ORC4: variants seen among roughly 807,000 people sequenced by gnomAD.
ORC4 encodes the protein origin recognition complex subunit 4, also known as origin recognition complex, subunit 4 homolog.
Under a neutral mutation model 63.9 loss-of-function variants are expected in ORC4, and 55 were observed. That is an observed-to-expected ratio of 0.86 (90% CI 0.69 to 1.08). The LOEUF is 1.08. ORC4 is among the 50% of genes least tolerant of loss of function. The probability of loss-of-function intolerance (pLI) is 0.00; values close to 1 mark genes in which losing one functional copy is unlikely to be tolerated. For missense variants in ORC4, 511 were observed against 504.4 expected, an observed-to-expected ratio of 1.01 and a Z score of -0.13; for synonymous variants, 150 against 168.5, an observed-to-expected ratio of 0.89 and a Z score of 0.85.
intron 1 of ORC4, among the ~76,000 whole-genome samples, chr2:147,993,591 TC>T (rs889791708): frequency 6.6e-6 from 1 of 152,024 alleles, no homozygotes; most frequent in Admixed American, 6.6e-5. Flanking sequence ...ATGTTGTCCA[TC>T]CCCCCATCAG....
chr2:147,975,340 A>G (rs1243382952), intron 2 of ORC4, among the ~76,000 whole-genome samples: 1 of 152,088 alleles, frequency 6.6e-6, no homozygotes, highest in Admixed American at 6.5e-5. Context: ...TCAACTTAAT[A>G]AAGGGCATCT....
chr2:147,970,378 CCAACA>C (rs1458278741), intron 4 of ORC4, among the ~76,000 whole-genome samples: 1 of 151,994 alleles, frequency 6.6e-6, no homozygotes, highest in Non-Finnish European at 1.5e-5. Flanking sequence ...ATGCAGACAG[CCAACA>C]CAATACTGCA....
chr2:147,949,515 C>A (rs1284317423), intron 8 of ORC4, among the ~76,000 whole-genome samples: 1 of 151,948 alleles, frequency 6.6e-6, no homozygotes, highest in Non-Finnish European at 1.5e-5. Flanking sequence ...TAAACAAAAA[C>A]CCTGTTAATT....
chr2:147,935,771 A>T (rs1688017579), intron 13 of ORC4, 73 bp from the exon 14 acceptor site: 1 of 1,321,016 alleles, frequency 7.6e-7, no homozygotes, highest in African/African-American at 1.4e-5. Flanking sequence ...CTCCCAGAGA[A>T]CAGTTAGCAT....
chr2:147,938,288 C>G lies in ORC4; in HGVS notation c.1054+10G>C, dbSNP rs1688169130. Reference sequence around the variant, plus strand: ...AGAGTCAGAAAAAAGCTACTTAAGTCTCATCTCACCATTATAGACCATTTG... The same window carrying G: ...AGAGTCAGAAAAAAGCTACTTAAGTGTCATCTCACCATTATAGACCATTTG... On this transcript the variant is annotated intron_variant, in intron 12 of 13. Coordinates refer to ENST00000392857, the MANE Select transcript of ORC4 (RefSeq NM_181741.4). 1 of 1,593,958 alleles carries G rather than the reference C, an allele frequency of 6.3e-7. No homozygotes were observed.
At chr2:147,945,343 C>A (rs200448318) in intron 9 of ORC4, among the ~76,000 whole-genome samples, 1 of 152,032 alleles carries the variant, frequency 6.6e-6, no homozygotes, top group Admixed American at 6.6e-5. Flanking sequence ...TAAAAGCTAT[C>A]GCCTTCTTGC....
chr2:147,938,108 A>T, intron 13 of ORC4, 38 bp downstream of exon 13: 1 of 1,349,008 alleles, frequency 7.4e-7, no homozygotes, highest in Non-Finnish European at 1.1e-6. Context: ...TAAAAAATAT[A>T]CTTGTCTGTA....
intron 6 of ORC4, among the ~76,000 whole-genome samples, chr2:147,956,691 C>G (rs1689269850): frequency 6.6e-6 from 1 of 151,966 alleles, no homozygotes; most frequent in Admixed American, 6.6e-5. Flanking sequence ...TATATCGTAT[C>G]ATGTTTGGCT....
chr2:147,986,790 T>TACACACACACACACACACACACACAC (rs70992183), intron 1 of ORC4, among the ~76,000 whole-genome samples: 1 of 148,540 alleles, frequency 6.7e-6, no homozygotes, highest in Non-Finnish European at 1.5e-5. Context: ...CACACACACA[T>TACACACACACACACACACACACACAC]ACACACACAC....
At chr2:147,969,343 T>C (rs1690075558) in intron 4 of ORC4, among the ~76,000 whole-genome samples, 1 of 152,092 alleles carries the variant, frequency 6.6e-6, no homozygotes, top group Non-Finnish European at 1.5e-5. Flanking sequence ...ATGCTAATTA[T>C]TCTGATTTGA....
chr2:147,952,299 A>T, intron 8 of ORC4, 74 bp downstream of exon 8: 1 of 1,115,078 alleles, frequency 9.0e-7, no homozygotes, highest in Non-Finnish European at 1.3e-6. Flanking sequence ...AGTGAAAAAA[A>T]CTAGCAGTGT....
At chr2:148,003,069 C>T (rs914031970) in intron 1 of ORC4, among the ~76,000 whole-genome samples, 7 of 152,038 alleles carry the variant, frequency 4.6e-5, no homozygotes, top group Non-Finnish European at 7.4e-5. Context: ...AGGAAGAAGT[C>T]GAATCCCTAA....
At chr2:147,971,945 C>T (rs1169815642) in intron 4 of ORC4, among the ~76,000 whole-genome samples, 1 of 151,960 alleles carries the variant, frequency 6.6e-6, no homozygotes, top group African/African-American at 2.4e-5. Context: ...TTTCAATATA[C>T]ATTGCTTAAA....
intron 8 of ORC4, among the ~76,000 whole-genome samples, chr2:147,950,238 G>A (rs998764262): frequency 2.0e-5 from 3 of 152,104 alleles, no homozygotes; most frequent in East Asian, 1.9e-4. Flanking sequence ...ATCTATACAA[G>A]CAACAATTCA....
chr2:147,955,247 G>T, intron 7 of ORC4, 100 bp downstream of exon 7: 3 of 753,646 alleles, frequency 4.0e-6, no homozygotes, highest in South Asian at 1.6e-5. Context: ...TATTTTATGA[G>T]AGCTTTTTTT....
At chr2:147,944,239 G>A (rs574464328) in intron 9 of ORC4, among the ~76,000 whole-genome samples, 10 of 152,154 alleles carry the variant, frequency 6.6e-5, no homozygotes, top group Admixed American at 5.9e-4. Context: ...TGATCTATGG[G>A]AAACAAAATG....
rs1687925536 is a variant in ORC4 at position 147,934,236 on chromosome 2, G to C, written c.*1274C>G. 1 of 152,044 alleles carries C rather than the reference G, an allele frequency of 6.6e-6. No individual in the cohort carries two copies. The highest frequency in any genetic ancestry group is 1.5e-5 in the Non-Finnish European group (1 of 67,992). The allele number at this position is 152,044 out of a possible 1,614,324, so 9.4% of individuals were successfully genotyped here. A position where few individuals can be genotyped will look rare whatever the true frequency, so the allele number is the denominator to read the frequency against. On this transcript the variant is annotated 3_prime_UTR_variant, in exon 14 of 14. Coordinates refer to ENST00000392857, the MANE Select transcript of ORC4 (RefSeq NM_181741.4). ...TAGATTGTAAGCTGCACAAGCATAG[G>C]GACAGTCTGTCTTTTGTAAACCTCC...
intron 4 of ORC4, among the ~76,000 whole-genome samples, chr2:147,965,840 A>AG (rs1267060716): frequency 6.6e-6 from 1 of 152,122 alleles, no homozygotes; most frequent in East Asian, 1.9e-4. Context: ...GTCTTAAAAC[A>AG]TTTTTTTAAA....
At chr2:147,996,228 C>A (rs953460715) in intron 1 of ORC4, among the ~76,000 whole-genome samples, 1 of 151,962 alleles carries the variant, frequency 6.6e-6, no homozygotes, top group Admixed American at 6.6e-5. Context: ...CACTTGAACC[C>A]GGGAGGTGGA....
Sources: gnomAD v4.1 joint callset for allele counts (sites outside exome capture counted in the v4.1 genomes callset) on GRCh38, gnomAD v4.1.1 for gene constraint, MANE v1.5 for transcripts, NCBI Gene and HGNC (gene_info 2026-07-23, HGNC 2026-07-21) for gene names.